MPEG1: variants seen among roughly 807,000 people sequenced by gnomAD.
The protein encoded by MPEG1 is macrophage expressed 1.
For synonymous variants in MPEG1, 365 were observed against 351.9 expected (o/e 1.04, Z -0.42); for missense variants, 876 against 880.3 (o/e 1.00, Z 0.06).
At position 59,210,962 on chromosome 11, in the gene MPEG1, G is replaced by A. The variant is rs369822145; in HGVS notation, c.1904C>T (p.Pro635Leu). Residue 635 changes from proline to leucine, a missense_variant, in exon 1 of 1, where the codon CCG becomes CTG. By Grantham distance (98) the Pro-to-Leu change is moderately conservative (BLOSUM62 -3). Coordinates refer to ENST00000361050, the MANE Select transcript of MPEG1 (RefSeq NM_001039396.2). The stretch of plus-strand genomic sequence containing the variant: ...ATTCATGGCCCTCCGCAGCTCTATC[G>A]GTTCTCCCAGCCTCCACTGGTGGGT... ...SQTHQWRLGE[P>L]IELRRAMNVI... 4.5e-5 allele frequency: 72 copies of A among 1,614,016 alleles called. No individual in the cohort carries two copies. Among genetic ancestry groups the A allele is most frequent in the Non-Finnish European group, 5.6e-5 (66 of 1,180,036 alleles).
Position 59,212,420 on chromosome 11 carries a change from CGG to C in MPEG1, c.444_445del (p.Arg149SerfsTer23). The C allele has an allele frequency of 6.2e-7, 1 of 1,601,338 alleles. No individual in the cohort carries two copies. Among genetic ancestry groups the C allele is most frequent in the South Asian group, 1.1e-5 (1 of 89,796 alleles). ...GTAGACGAGGTTTCTTACCTGAACTCGGGTAGTTATAGCTTGGTCCTTCACTT... is the reference window on the plus strand; with the variant it reads ...GTAGACGAGGTTTCTTACCTGAACTCGTAGTTATAGCTTGGTCCTTCACTT... On this transcript the variant is annotated frameshift_variant, in exon 1 of 1. Coordinates refer to ENST00000361050, the MANE Select transcript of MPEG1 (RefSeq NM_001039396.2). LOFTEE classifies it low-confidence loss of function (END_TRUNC).
In MPEG1 at chr11:59,212,199, C is replaced by A. The variant is rs559035712; in HGVS notation, c.667G>T (p.Ala223Ser). 72 of 1,613,980 alleles carry A rather than the reference C, an allele frequency of 4.5e-5. 1 individual carries two copies. The South Asian group carries it at 7.2e-4, about 16-fold the overall frequency. Residue 223 changes from alanine to serine, a missense_variant, in exon 1 of 1, where the codon GCC becomes TCC. Physicochemically the swap from Ala to Ser is moderately conservative, Grantham distance 99 (BLOSUM62 1). Transcript: ENST00000361050. ...AALIQEDHLRASFLQDSQSSR... is the reference protein window; with the variant it reads ...AALIQEDHLRSSFLQDSQSSR... ...CTCTGGCTGTCTTGGAGGAAGGAGG[C>A]CCTGAGGTGGTCCTCCTGAATAAGA...
chr11:59,211,876 C>G lies in MPEG1; in HGVS notation c.990G>C (p.Val330=), dbSNP rs370919527. 1.6e-5 allele frequency: 26 copies of G among 1,614,016 alleles called. No homozygotes were observed. In the Middle Eastern group the frequency reaches 1.2e-3, roughly 71 times the overall value. The change falls in exon 1 of 1, where the codon GTG becomes GTC. Residue 330 remains valine, a synonymous_variant. Coordinates refer to ENST00000361050, the MANE Select transcript of MPEG1 (RefSeq NM_001039396.2). ...TCACAGCAGTTTCCACTGTCTTTGA[C>G]ACCTTCTTCACCAGGGGGCCTGGCA... ...PDLPGPLVKK[V]SKTVETAVKR... is the part of the protein sequence containing the mutation.
rs202166560 is a variant in MPEG1, at chr11:59,212,546, T to C, written c.320A>G (p.Tyr107Cys). Residue 107 changes from tyrosine (Y) to cysteine (C), a missense_variant, in exon 1 of 1, where the codon TAC becomes TGC. Tyr to Cys is a radical substitution (Grantham distance 194, BLOSUM62 -2). Transcript: ENST00000361050. ...GATGGAGTAGGAGGTGCTACTCTGG[T>C]AATTTGCCCAGGATTCCAGGATTTC... ...NSEILESWAN[Y>C]QSSTSYSINT... 5.0e-6 allele frequency: 8 copies of C among 1,614,070 alleles called. No individual in the cohort carries two copies. The highest frequency in any genetic ancestry group is 2.2e-5 in the East Asian group (1 of 44,900).
At position 59,211,463 on chromosome 11, in the gene MPEG1, C is replaced by A. The variant is rs373004945; in HGVS notation, c.1403G>T (p.Ser468Ile). 1.9e-6 allele frequency: 3 copies of A among 1,614,192 alleles called. No homozygotes were observed. Among genetic ancestry groups the A allele is most frequent in the Middle Eastern group, 1.6e-4 (1 of 6,062 alleles). Residue 468 changes from serine to isoleucine, a missense_variant, in exon 1 of 1, where the codon AGC becomes ATC. Ser to Ile is a moderately radical substitution (Grantham distance 142, BLOSUM62 -2). Coordinates refer to ENST00000361050, the MANE Select transcript of MPEG1 (RefSeq NM_001039396.2). ...AEFRAFWCVASSQVPENSGLL... is the reference protein window; with the variant it reads ...AEFRAFWCVAISQVPENSGLL... ...TCCTGAGTTTTCAGGTACTTGGCTG[C>A]TGGCCACACACCAAAAAGCCCTAAA...
In MPEG1 at chr11:59,211,246, CA is replaced by C. The variant is rs751189733; in HGVS notation, c.1619del (p.Leu540ArgfsTer2). The part of the protein sequence containing the change: ...GFFSCTVGNP[L>X]VDPAISRDLG... ...AATCTCTGGATATAGCAGGATCTACCAGGGGGTTCCCAACTGTGCAGCTAAA... is the reference window on the plus strand; with the variant it reads ...AATCTCTGGATATAGCAGGATCTACCGGGGGTTCCCAACTGTGCAGCTAAA... On this transcript the variant is annotated frameshift_variant, in exon 1 of 1. Transcript: ENST00000361050. LOFTEE classifies it low-confidence loss of function (END_TRUNC). 23 of 1,614,172 alleles carry C rather than the reference CA, an allele frequency of 1.4e-5. No individual in the cohort carries two copies. The South Asian group carries it at 1.8e-4, about 12-fold the overall frequency.
Position 59,212,873 on chromosome 11 carries a change from A to G in MPEG1, c.-8T>C. Reference sequence around the variant, plus strand: ...GGCCCTGAAGTTGTTCATGGCTCAGACAGCCCCAGCCACTCACCAGCCCTA... The same window carrying G: ...GGCCCTGAAGTTGTTCATGGCTCAGGCAGCCCCAGCCACTCACCAGCCCTA... On this transcript the variant is annotated 5_prime_UTR_variant, in exon 1 of 1. Coordinates refer to ENST00000361050, the MANE Select transcript of MPEG1 (RefSeq NM_001039396.2). The G allele has an allele frequency of 6.2e-7, 1 of 1,609,958 alleles. No individual in the cohort carries two copies. The highest frequency in any genetic ancestry group is 8.5e-7 in the Non-Finnish European group (1 of 1,177,464).
rs372565926 is a variant in MPEG1, at chr11:59,211,326, C to T, written c.1540G>A (p.Val514Ile). The change falls in exon 1 of 1, where the codon GTT becomes ATT. Residue 514 changes from valine (V) to isoleucine (I), a missense_variant. By Grantham distance (29) the Val-to-Ile change is conservative. Transcript: ENST00000361050. ...LRLFENLKVCVSQDYELGSRF... is the reference protein window; with the variant it reads ...LRLFENLKVCISQDYELGSRF... Reference sequence around the variant, plus strand: ...CTTCCCAACTCATAGTCCTGAGAAACACATACCTTGAGGTTTTCAAAGAGT... The same window carrying T: ...CTTCCCAACTCATAGTCCTGAGAAATACATACCTTGAGGTTTTCAAAGAGT... The T allele has an allele frequency of 3.1e-6, 5 of 1,614,046 alleles. No homozygotes were observed. Among genetic ancestry groups the T allele is most frequent in the African/African-American group, 1.3e-5 (1 of 74,912 alleles).
In MPEG1 at chr11:59,209,238, A is replaced by G. The variant is rs3847; in HGVS notation, c.*1477T>C. ...TATCCTGGTTCCCACCTTCCCACAC[A>G]CTGTGATACTTCAAACTCCTTGGGT... is the stretch of plus-strand genomic sequence containing the variant. On this transcript the variant is annotated 3_prime_UTR_variant, in exon 1 of 1. Transcript: ENST00000361050. The G allele has an allele frequency of 0.59, 90,344 of 152,010 alleles. 27,015 individuals are homozygous for G. Among genetic ancestry groups the G allele is most frequent in the Middle Eastern group, 0.64 (189 of 294 alleles). 9.4% of individuals were successfully genotyped at this position (152,010 alleles called of 1,614,324 possible).
Position 59,212,102 on chromosome 11 carries a change from T to G in MPEG1, c.764A>C (p.Asn255Thr), listed in dbSNP as rs770565508. The G allele has an allele frequency of 1.9e-6, 3 of 1,613,986 alleles. No individual in the cohort carries two copies. The African/African-American group carries it at 4.0e-5, about 22-fold the overall frequency. Residue 255 changes from asparagine (N) to threonine (T), a missense_variant, in exon 1 of 1, where the codon AAC (asparagine) becomes ACC (threonine). By Grantham distance (65) the Asn-to-Thr change is moderately conservative. Coordinates refer to ENST00000361050, the MANE Select transcript of MPEG1 (RefSeq NM_001039396.2). ...QNTVNFKFEE[N>T]YTSQNVLTKS... The stretch of plus-strand genomic sequence containing the variant: ...GGTGAGGACATTCTGCGAGGTATAG[T>G]TTTCCTCAAATTTGAAGTTCACGGT...
Position 59,212,762 on chromosome 11 carries a change from T to C in MPEG1, c.104A>G (p.Lys35Arg). The C allele has an allele frequency of 6.2e-7, 1 of 1,614,224 alleles. No homozygotes were observed. The highest frequency in any genetic ancestry group is 8.5e-7 in the Non-Finnish European group (1 of 1,180,040). Residue 35 changes from lysine (K) to arginine (R), a missense_variant, in exon 1 of 1, where the codon AAG becomes AGG. Lys to Arg is a conservative substitution (Grantham distance 26). Coordinates refer to ENST00000361050, the MANE Select transcript of MPEG1 (RefSeq NM_001039396.2). Reference sequence around the variant, plus strand: ...CAGGACAGGTAGTTTCAAGGCATTCTTGCATTTTTGAACTCCAACTTCGTC... The same window carrying C: ...CAGGACAGGTAGTTTCAAGGCATTCCTGCATTTTTGAACTCCAACTTCGTC... ...EMDEVGVQKC[K>R]NALKLPVLEV...
In MPEG1 at chr11:59,211,395, T is replaced by G; in HGVS notation, c.1471A>C (p.Met491Leu). ...GCTGGGCATGACTGTGCATTTGTCA[T>G]GGGGTTTATGCTCTTGCTGCTGAAG... ...GLFSSKSINP[M>L]TNAQSCPAGY... The change falls in exon 1 of 1, where the codon ATG becomes CTG. Residue 491 changes from methionine (M) to leucine (L), a missense_variant. Transcript: ENST00000361050. 6.2e-7 allele frequency: 1 copy of G among 1,614,202 alleles called. No individual in the cohort carries two copies.
Position 59,212,760 on chromosome 11 carries a change from T to C in MPEG1, c.106A>G (p.Asn36Asp), listed in dbSNP as rs1862913506. 1.2e-6 allele frequency: 2 copies of C among 1,614,170 alleles called. No individual in the cohort carries two copies. Among genetic ancestry groups the C allele is most frequent in the Admixed American group, 1.7e-5 (1 of 60,026 alleles). Reference sequence around the variant, plus strand: ...TCCAGGACAGGTAGTTTCAAGGCATTCTTGCATTTTTGAACTCCAACTTCG... The same window carrying C: ...TCCAGGACAGGTAGTTTCAAGGCATCCTTGCATTTTTGAACTCCAACTTCG... ...MDEVGVQKCK[N>D]ALKLPVLEVL... Residue 36 changes from asparagine (N) to aspartate (D), a missense_variant, in exon 1 of 1, where the codon AAT (asparagine) becomes GAT (aspartate). Transcript: ENST00000361050.
chr11:59,212,857 G>A lies in MPEG1; in HGVS notation c.9C>T (p.Asn3=). 2 of 1,613,268 alleles carry A rather than the reference G, an allele frequency of 1.2e-6. No individual in the cohort carries two copies. The highest frequency in any genetic ancestry group is 1.1e-5 in the South Asian group (1 of 91,006). ...CCCAGAAGAGGATGGTGGCCCTGAA[G>A]TTGTTCATGGCTCAGACAGCCCCAG... The part of the protein sequence containing the change: MN[N]FRATILFWAA... The change falls in exon 1 of 1, where the codon AAC becomes AAT. Residue 3 remains asparagine (N), a synonymous_variant. Coordinates refer to ENST00000361050, the MANE Select transcript of MPEG1 (RefSeq NM_001039396.2).
rs180770562 is a variant in MPEG1 at position 59,210,961 on chromosome 11, C to T, written c.1905G>A (p.Pro635=). The T allele has an allele frequency of 5.9e-5, 96 of 1,614,198 alleles. No homozygotes were observed. The Middle Eastern group carries it at 6.6e-4, about 11-fold the overall frequency. ...CATTCATGGCCCTCCGCAGCTCTAT[C>T]GGTTCTCCCAGCCTCCACTGGTGGG... ...SQTHQWRLGE[P]IELRRAMNVI... Residue 635 remains proline, a synonymous_variant, in exon 1 of 1, where the codon CCG becomes CCA. Coordinates refer to ENST00000361050, the MANE Select transcript of MPEG1 (RefSeq NM_001039396.2).
At position 59,211,029 on chromosome 11, in the gene MPEG1, T is replaced by A. The variant is rs1862882066; in HGVS notation, c.1837A>T (p.Thr613Ser). Reference protein sequence around the residue: ...SQAATNTVIVTNSENARSWIK... With the variant: ...SQAATNTVIVSNSENARSWIK... ...CAGGATCTCGCATTCTCAGAATTGG[T>A]CACTATGACAGTATTGGTGGCAGCC... The change falls in exon 1 of 1, where the codon ACC (threonine) becomes TCC (serine). Residue 613 changes from threonine (T) to serine (S), a missense_variant. Transcript: ENST00000361050. 9.3e-6 allele frequency: 15 copies of A among 1,614,160 alleles called. No homozygotes were observed. The highest frequency in any genetic ancestry group is 1.3e-5 in the Non-Finnish European group (15 of 1,180,028).
rs1490075205 is a variant in MPEG1 at position 59,212,741 on chromosome 11, A to G, written c.125T>C (p.Val42Ala). Residue 42 changes from valine (V) to alanine (A), a missense_variant, in exon 1 of 1, where the codon GTC becomes GCC. Physicochemically the swap from Val to Ala is moderately conservative, Grantham distance 64. Coordinates refer to ENST00000361050, the MANE Select transcript of MPEG1 (RefSeq NM_001039396.2). ...QKCKNALKLP[V>A]LEVLPGGGWD... Reference sequence around the variant, plus strand: ...GCCCCCTCCAGGTAGGACTTCCAGGACAGGTAGTTTCAAGGCATTCTTGCA... The same window carrying G: ...GCCCCCTCCAGGTAGGACTTCCAGGGCAGGTAGTTTCAAGGCATTCTTGCA... The G allele has an allele frequency of 1.2e-6, 2 of 1,614,188 alleles. No individual in the cohort carries two copies. The highest frequency in any genetic ancestry group is 4.5e-5 in the East Asian group (2 of 44,880).
rs149065749 is a variant in MPEG1, at chr11:59,210,617, C to A, written c.*98G>T. On this transcript the variant is annotated 3_prime_UTR_variant, in exon 1 of 1. Transcript: ENST00000361050. ...ACCTAAACAAGAAGTCACGAATATA[C>A]CTACTTTTGGTTGCACTTGCCATTT... The A allele has an allele frequency of 4.7e-4, 507 of 1,081,636 alleles. 1 individual carries two copies. The highest frequency in any genetic ancestry group is 1.1e-3 in the South Asian group (74 of 67,708). The allele number at this position is 1,081,636 out of a possible 1,614,324, so 67.0% of individuals were successfully genotyped here.
Position 59,212,830 on chromosome 11 carries a change from T to C in MPEG1, c.36A>G (p.Ala12=), listed in dbSNP as rs946664062. ...NNFRATILFW[A]AAAWAKSGKP... ...TGCCTGATTTAGCCCATGCTGCCGC[T>C]GCCCAGAAGAGGATGGTGGCCCTGA... Residue 12 remains alanine, a synonymous_variant, in exon 1 of 1, where the codon GCA becomes GCG. Coordinates refer to ENST00000361050, the MANE Select transcript of MPEG1 (RefSeq NM_001039396.2). The C allele has an allele frequency of 2.5e-6, 4 of 1,614,176 alleles. No individual in the cohort carries two copies. Among genetic ancestry groups the C allele is most frequent in the African/African-American group, 2.7e-5 (2 of 75,040 alleles).
Sources: gnomAD v4.1 joint callset for allele counts on GRCh38, gnomAD v4.1.1 for gene constraint, MANE v1.5 for transcripts, NCBI Gene and HGNC (gene_info 2026-07-23, HGNC 2026-07-21) for gene names.